Variants in CHCHD6 observed in about 807,000 individuals in gnomAD.
The protein encoded by CHCHD6 is MICOS complex subunit MIC25.
In CHCHD6, 28 loss-of-function variants were observed where a neutral mutation model predicts 32.3. The ratio of observed to expected loss-of-function variants is 0.87; its 90% CI spans 0.64 to 1.19. The LOEUF is 1.19. CHCHD6 is among the 50% of genes most tolerant of loss of function. CHCHD6 has a pLI of 0.00. For synonymous variants in CHCHD6, 122 were observed against 117.5 expected (o/e 1.04, Z -0.25); for missense variants, 333 against 307.0 (o/e 1.08, Z -0.63).
rs147157594 is a variant in CHCHD6, at chr3:126,885,642, G to A, written c.496-29038G>A. On this transcript the variant is annotated intron_variant, in intron 5 of 7. Transcript: ENST00000290913. ...GATTAATTTGTAAAATTTCAGGAAG[G>A]TGGTGTATATCTAAAGAACCATTAC... Among the ~76,000 whole-genome samples, 13 of 152,336 alleles carry A rather than the reference G, an allele frequency of 8.5e-5. No individual in the cohort carries two copies. In the East Asian group the frequency reaches 2.3e-3, roughly 27 times the overall value.
rs370331811 is a variant in CHCHD6, at chr3:126,898,705, A to AT, written c.496-15970dup. On this transcript the variant is annotated intron_variant, in intron 5 of 7. Coordinates refer to ENST00000290913, the MANE Select transcript of CHCHD6 (RefSeq NM_032343.3). Reference sequence around the variant, plus strand: ...AGGCACCCGTCCCCACGCCCAGCTAATTTTTGTATTTTTAGTAGAGACAGG... The same window carrying AT: ...AGGCACCCGTCCCCACGCCCAGCTAATTTTTTGTATTTTTAGTAGAGACAGG... Among the ~76,000 whole-genome samples the AT allele has an allele frequency of 7.0e-4, 106 of 152,056 alleles. No homozygotes were observed. In the East Asian group the frequency reaches 0.013, roughly 18 times the overall value.
At chr3:126,866,989 G>A (rs572015314) in intron 5 of CHCHD6, among the ~76,000 whole-genome samples, 50 of 152,234 alleles carry the variant, frequency 3.3e-4, no homozygotes, top group African/African-American at 1.1e-3. Flanking sequence ...GGATCCACCA[G>A]GGCCACCGTG....
chr3:126,756,430 A>G (rs1291080688), intron 4 of CHCHD6, among the ~76,000 whole-genome samples: 4 of 152,162 alleles, frequency 2.6e-5, no homozygotes, highest in Non-Finnish European at 4.4e-5. Context: ...TTCTCACCCC[A>G]GCTGGACCAT....
intron 4 of CHCHD6, 47 bp downstream of exon 4, chr3:126,733,269 C>A: frequency 6.3e-7 from 1 of 1,577,236 alleles, no homozygotes; most frequent in Non-Finnish European, 8.6e-7. Context: ...TGGGCAGCAC[C>A]CTGGGAAATA....
At chr3:126,772,865 A>G (rs938154788) in intron 4 of CHCHD6, among the ~76,000 whole-genome samples, 25 of 152,212 alleles carry the variant, frequency 1.6e-4, no homozygotes, top group African/African-American at 5.8e-4. Context: ...GTGGCCAGTA[A>G]TAGTCTTTCC....
intron 4 of CHCHD6, among the ~76,000 whole-genome samples, chr3:126,836,455 C>A (rs1940866575): frequency 1.3e-5 from 2 of 152,214 alleles, no homozygotes; most frequent in African/African-American, 2.4e-5. Context: ...TCTGGACCGC[C>A]ACTCTGTTCT....
chr3:126,913,333 G>A (rs1366192972), intron 5 of CHCHD6, among the ~76,000 whole-genome samples: 4 of 141,114 alleles, frequency 2.8e-5, no homozygotes, highest in East Asian at 2.2e-4. Flanking sequence ...GGGTTCAAGC[G>A]ATTCTCATGC....
intron 4 of CHCHD6, among the ~76,000 whole-genome samples, chr3:126,842,160 G>A (rs180835831): frequency 1.4e-3 from 216 of 152,274 alleles, no homozygotes; most frequent in African/African-American, 4.9e-3. Context: ...AGGCTGAGGT[G>A]GAAGTATCAC....
At chr3:126,793,292 C>T (rs1472222564) in intron 4 of CHCHD6, among the ~76,000 whole-genome samples, 3 of 151,822 alleles carry the variant, frequency 2.0e-5, no homozygotes, top group Non-Finnish European at 4.4e-5. Flanking sequence ...TTTTTTATTC[C>T]TTTGTTTCTC....
At position 126,811,136 on chromosome 3, in the gene CHCHD6, TA is replaced by T. The variant is rs1182103331; in HGVS notation, c.412-41510del. Reference sequence around the variant, plus strand: ...ACTGCTTGATTTTTGTTCCTAATTTTAGTTCTTTGTGTGGCTTATTTTTTAT... The same window carrying T: ...ACTGCTTGATTTTTGTTCCTAATTTTGTTCTTTGTGTGGCTTATTTTTTAT... On this transcript the variant is annotated intron_variant, in intron 4 of 7. Transcript: ENST00000290913. Among the ~76,000 whole-genome samples, 7 of 152,238 alleles carry T rather than the reference TA, an allele frequency of 4.6e-5. No individual in the cohort carries two copies. The East Asian group carries it at 1.3e-3, about 29-fold the overall frequency.
At chr3:126,947,766 C>T (rs1178368758) in intron 6 of CHCHD6, among the ~76,000 whole-genome samples, 1 of 152,202 alleles carries the variant, frequency 6.6e-6, no homozygotes. Context: ...CAGCTCCCCT[C>T]CCACAGGCTG....
chr3:126,760,176 C>A (rs762352022), intron 4 of CHCHD6, among the ~76,000 whole-genome samples: 13 of 152,118 alleles, frequency 8.5e-5, no homozygotes, highest in Non-Finnish European at 1.5e-4. Context: ...GGACAAATAC[C>A]CAAACTATAT....
At position 126,913,207 on chromosome 3, in the gene CHCHD6, C is replaced by CTT. The variant is rs546179022; in HGVS notation, c.496-1437_496-1436dup. 2.8e-3 allele frequency among the ~76,000 whole-genome samples: 93 copies of CTT among 33,784 alleles called. 25 individuals are homozygous for CTT. Among genetic ancestry groups the CTT allele is most frequent in the African/African-American group, 6.4e-3 (49 of 7,642 alleles). The allele number at this position is 33,784 out of a possible 152,430, so 22.2% of individuals were successfully genotyped here. A position where few individuals can be genotyped will look rare whatever the true frequency, so the allele number is the denominator to read the frequency against. On this transcript the variant is annotated intron_variant, in intron 5 of 7. Transcript: ENST00000290913. ...GGATAATCATGCTGCCCGTATGAGC[C>CTT]TTTTTTTTTTTTTTTTTTTTTTTTT...
intron 6 of CHCHD6, among the ~76,000 whole-genome samples, chr3:126,946,756 C>T (rs888808087): frequency 7.2e-5 from 11 of 152,214 alleles, no homozygotes; most frequent in African/African-American, 2.7e-4. Context: ...CCCTCCTGAA[C>T]AGCTAGATTG....
intron 4 of CHCHD6, among the ~76,000 whole-genome samples, chr3:126,765,936 G>A (rs75923163): frequency 7.9e-5 from 12 of 152,316 alleles, no homozygotes; most frequent in African/African-American, 1.4e-4. Context: ...AGGAGGACCC[G>A]GATGCTTCCA....
intron 6 of CHCHD6, among the ~76,000 whole-genome samples, chr3:126,952,818 A>AC (rs2078733936): frequency 6.6e-6 from 1 of 151,986 alleles, no homozygotes; most frequent in South Asian, 2.1e-4. Flanking sequence ...TTGGGAAGGA[A>AC]CCACATGGGG....
chr3:126,787,735 T>C (rs1938295513), intron 4 of CHCHD6, among the ~76,000 whole-genome samples: 1 of 152,230 alleles, frequency 6.6e-6, no homozygotes, highest in African/African-American at 2.4e-5. Flanking sequence ...GCTGAGACGA[T>C]GGGGTTTTCT....
chr3:126,795,839 AG>A (rs1938766455), intron 4 of CHCHD6, among the ~76,000 whole-genome samples: 1 of 152,172 alleles, frequency 6.6e-6, no homozygotes, highest in Non-Finnish European at 1.5e-5. Flanking sequence ...GAGGGAAGCC[AG>A]AATGGTTTAC....
At chr3:126,945,718 C>T (rs147242255) in intron 6 of CHCHD6, among the ~76,000 whole-genome samples, 15 of 86,418 alleles carry the variant, frequency 1.7e-4, no homozygotes, top group African/African-American at 7.4e-4. Context: ...CGGGGAGACT[C>T]GAGTAGGGAG....
Sources: gnomAD v4.1 joint callset for allele counts (sites outside exome capture counted in the v4.1 genomes callset) on GRCh38, gnomAD v4.1.1 for gene constraint, MANE v1.5 for transcripts, NCBI Gene and HGNC (gene_info 2026-07-23, HGNC 2026-07-21) for gene names.